Variants in TUSC3 observed in about 807,000 individuals in gnomAD.
TUSC3 encodes tumor suppressor candidate 3, also known as dolichyl-diphosphooligosaccharide--protein glycosyltransferase subunit TUSC3.
Under a neutral mutation model 44.8 loss-of-function variants are expected in TUSC3, and 45 were observed. That is an observed-to-expected ratio of 1.00 (90% confidence interval 0.79 to 1.29). The LOEUF is 1.29. Among genes scored for constraint, TUSC3 ranks in the 50% most tolerant of loss-of-function variants. The probability of loss-of-function intolerance (pLI) is 0.00; values close to 1 mark genes in which losing one functional copy is unlikely to be tolerated. For synonymous variants in TUSC3, 212 were observed against 152.9 expected (o/e 1.39, Z -2.85); for missense variants, 519 against 437.9 (o/e 1.19, Z -1.65).
At chr8:15,677,268 C>T (rs777625937) in intron 6 of TUSC3, among the ~76,000 whole-genome samples, 12 of 152,026 alleles carry the variant, frequency 7.9e-5, no homozygotes, top group African/African-American at 1.9e-4. Flanking sequence ...CCTGAGTTCT[C>T]GGATTACAGG....
At chr8:15,545,638 A>G (rs1369879106) in intron 1 of TUSC3, among the ~76,000 whole-genome samples, 1 of 151,542 alleles carries the variant, frequency 6.6e-6, no homozygotes, top group Non-Finnish European at 1.5e-5. Flanking sequence ...TTTTCAGGGT[A>G]TTTTTCTCCA....
At chr8:15,436,505 C>G (rs1345328111) in intron 1 of TUSC3, among the ~76,000 whole-genome samples, 3 of 152,128 alleles carry the variant, frequency 2.0e-5, no homozygotes. Flanking sequence ...CTAGTTTGTA[C>G]TTTTTCATTT....
intron 1 of TUSC3, among the ~76,000 whole-genome samples, chr8:15,445,810 T>C (rs1336059553): frequency 1.3e-5 from 2 of 152,268 alleles, no homozygotes; most frequent in South Asian, 2.1e-4. Context: ...CATCATGGCC[T>C]GTTCTCAATG....
intron 8 of TUSC3, among the ~76,000 whole-genome samples, chr8:15,744,826 TG>T (rs756732593): frequency 7.2e-5 from 11 of 152,092 alleles, no homozygotes; most frequent in Non-Finnish European, 1.6e-4. Flanking sequence ...ATTTTAGATT[TG>T]GGGGTTTATG....
At chr8:15,454,618 T>G (rs10088470) in intron 1 of TUSC3, among the ~76,000 whole-genome samples, 15,471 of 152,226 alleles carry the variant, frequency 0.1, 1,461 homozygotes, top group African/African-American at 0.25. Context: ...TCATTTTCTA[T>G]TTTATAGTTC....
intron 1 of TUSC3, among the ~76,000 whole-genome samples, chr8:15,564,521 T>G (rs970013307): frequency 6.6e-6 from 1 of 152,176 alleles, no homozygotes; most frequent in Non-Finnish European, 1.5e-5. Context: ...TGAACACATT[T>G]GTCAACAGCT....
chr8:15,675,349 GGTTT>G (rs1808138555), intron 6 of TUSC3, among the ~76,000 whole-genome samples: 1 of 151,670 alleles, frequency 6.6e-6, no homozygotes, highest in Non-Finnish European at 1.5e-5. Context: ...TATTGTTTAT[GGTTT>G]GTTAAAGTAT....
chr8:15,509,073 A>G (rs1189024488), intron 2 of TUSC3, among the ~76,000 whole-genome samples: 1 of 152,220 alleles, frequency 6.6e-6, no homozygotes, highest in Non-Finnish European at 1.5e-5. Flanking sequence ...TTGAGGAATG[A>G]GAGAAGAAGC....
intron 1 of TUSC3, among the ~76,000 whole-genome samples, chr8:15,620,866 C>G (rs1805212715): frequency 6.6e-6 from 1 of 152,066 alleles, no homozygotes; most frequent in Non-Finnish European, 1.5e-5. Flanking sequence ...AAATCTTTGA[C>G]CTTTTACAGT....
intron 8 of TUSC3, among the ~76,000 whole-genome samples, 159 bp downstream of exon 8, chr8:15,743,771 T>C (rs1021978201): frequency 2.6e-5 from 4 of 152,226 alleles, no homozygotes; most frequent in African/African-American, 9.6e-5. Flanking sequence ...GATGTGTTCA[T>C]ATACTTGAAA....
intron 9 of TUSC3, among the ~76,000 whole-genome samples, chr8:15,752,185 G>A (rs539064948): frequency 5.9e-5 from 9 of 152,070 alleles, no homozygotes; most frequent in Admixed American, 1.3e-4. Flanking sequence ...CTTGAATTAG[G>A]CTAAAATTCA....
At chr8:15,566,358 G>A (rs1026061532) in intron 1 of TUSC3, among the ~76,000 whole-genome samples, 1 of 152,060 alleles carries the variant, frequency 6.6e-6, no homozygotes, top group Non-Finnish European at 1.5e-5. Context: ...AGTGGTTGGC[G>A]TTTTGAGGAA....
chr8:15,678,726 A>G (rs1222763284), intron 6 of TUSC3, among the ~76,000 whole-genome samples: 1 of 152,178 alleles, frequency 6.6e-6, no homozygotes, highest in African/African-American at 2.4e-5. Context: ...AGGACTGGGC[A>G]TTACTGAGGC....
chr8:15,592,854 C>G (rs1418301993), intron 1 of TUSC3, among the ~76,000 whole-genome samples: 1 of 151,946 alleles, frequency 6.6e-6, no homozygotes, highest in Non-Finnish European at 1.5e-5. Context: ...ATGAGGAAAA[C>G]GAGGCAGGAT....
chr8:15,444,958 T>G (rs1230924382), intron 1 of TUSC3, among the ~76,000 whole-genome samples: 1 of 152,174 alleles, frequency 6.6e-6, no homozygotes, highest in African/African-American at 2.4e-5. Context: ...GAACTTCAGA[T>G]GCAGGAGAAG....
At chr8:15,779,280 C>G in the TUSC3 span, among the ~76,000 whole-genome samples, 6 of 152,134 alleles carry the variant, frequency 3.9e-5, no homozygotes, top group Non-Finnish European at 8.8e-5. Flanking sequence ...GTTGCCCAGG[C>G]TAGTCTTGAA....
At chr8:15,648,718 T>A (rs897669275) in intron 2 of TUSC3, among the ~76,000 whole-genome samples, 2 of 30,004 alleles carry the variant, frequency 6.7e-5, no homozygotes, top group Non-Finnish European at 1.4e-4. Flanking sequence ...AGAGCAAGAC[T>A]CTGTGTCAAA....
intron 7 of TUSC3, among the ~76,000 whole-genome samples, chr8:15,734,097 A>C (rs17474411): frequency 0.059 from 8,982 of 152,280 alleles, 395 homozygotes; most frequent in Non-Finnish European, 0.086. Context: ...TTGACAGTCT[A>C]CTGCTACTTT....
the TUSC3 span, among the ~76,000 whole-genome samples, chr8:15,820,730 C>A: frequency 6.6e-6 from 1 of 152,142 alleles, no homozygotes; most frequent in Non-Finnish European, 1.5e-5. Context: ...GAAAAATTTT[C>A]TGTGAGATTA....
Sources: gnomAD v4.1 joint callset for allele counts (sites outside exome capture counted in the v4.1 genomes callset) on GRCh38, gnomAD v4.1.1 for gene constraint, MANE v1.5 for transcripts, NCBI Gene and HGNC (gene_info 2026-07-23, HGNC 2026-07-21) for gene names.